Variants in AUTS2 observed in about 807,000 individuals in gnomAD.
AUTS2 encodes the protein activator of transcription and developmental regulator AUTS2, also known as autism susceptibility gene 2 protein.
AUTS2 carries 17 observed loss-of-function variants against 112.4 expected under a neutral mutation model. The observed-to-expected ratio is 0.15, with a 90% CI of 0.10 to 0.23. The LOEUF (loss-of-function observed/expected upper bound fraction) is 0.23. AUTS2 is among the 10% of genes least tolerant of loss of function. The pLI is 1.00. For synonymous variants in AUTS2, 751 were observed against 702.7 expected (o/e 1.07, Z -1.09); for missense variants, 1,510 against 1,701.6 (o/e 0.89, Z 1.98).
intron 5 of AUTS2, among the ~76,000 whole-genome samples, chr7:70,443,827 C>A (rs958979604): frequency 6.6e-6 from 1 of 152,208 alleles, no homozygotes; most frequent in Admixed American, 6.5e-5. Flanking sequence ...CAGAGCAGTT[C>A]ATTTAATCTG....
chr7:69,629,628 G>C, intron 1 of AUTS2, among the ~76,000 whole-genome samples: 1 of 152,164 alleles, frequency 6.6e-6, no homozygotes, highest in East Asian at 1.9e-4. Context: ...GATCCAGTAA[G>C]TAATGTAGTA....
At chr7:69,676,747 T>G (rs1796583949) in intron 1 of AUTS2, among the ~76,000 whole-genome samples, 1 of 152,208 alleles carries the variant, frequency 6.6e-6, no homozygotes, top group South Asian at 2.1e-4. Flanking sequence ...TAGTTAATTT[T>G]TCAGTGGATA....
At chr7:69,844,561 T>C (rs747651576) in intron 1 of AUTS2, among the ~76,000 whole-genome samples, 9 of 152,130 alleles carry the variant, frequency 5.9e-5, no homozygotes, top group Non-Finnish European at 1.3e-4. Flanking sequence ...GTAATATATA[T>C]TTTATACTCA....
intron 1 of AUTS2, among the ~76,000 whole-genome samples, chr7:69,716,444 A>C (rs1798616187): frequency 6.6e-6 from 1 of 152,156 alleles, no homozygotes; most frequent in South Asian, 2.1e-4. Context: ...GAAGCAGGAC[A>C]AGGACTGAAC....
chr7:70,049,646 T>G (rs1387806794), intron 2 of AUTS2, among the ~76,000 whole-genome samples: 1 of 152,118 alleles, frequency 6.6e-6, no homozygotes, highest in Non-Finnish European at 1.5e-5. Context: ...TAACAATTTT[T>G]ATTATCACCA....
At chr7:70,094,255 T>G (rs1468031742) in intron 2 of AUTS2, among the ~76,000 whole-genome samples, 2 of 152,238 alleles carry the variant, frequency 1.3e-5, no homozygotes, top group Non-Finnish European at 2.9e-5. Context: ...GTATGCGCCC[T>G]GCATGCTTGT....
At chr7:70,206,126 T>G (rs1404921093) in intron 4 of AUTS2, among the ~76,000 whole-genome samples, 1 of 152,208 alleles carries the variant, frequency 6.6e-6, no homozygotes, top group Non-Finnish European at 1.5e-5. Context: ...TTCTCTTCCC[T>G]CCTCTATCCT....
intron 2 of AUTS2, among the ~76,000 whole-genome samples, chr7:69,958,730 C>T (rs117099775): frequency 0.017 from 2,555 of 152,204 alleles, 36 homozygotes; most frequent in Middle Eastern, 0.061. Context: ...CTGGTTTAAC[C>T]GACTGCTAGG....
At chr7:69,731,540 T>A (rs1786794579) in intron 1 of AUTS2, among the ~76,000 whole-genome samples, 1 of 152,226 alleles carries the variant, frequency 6.6e-6, no homozygotes, top group Admixed American at 6.5e-5. Flanking sequence ...TTACTTTTAT[T>A]AACAAGTAAC....
chr7:70,606,416 T>C (rs1026965077), intron 5 of AUTS2, among the ~76,000 whole-genome samples: 3 of 152,230 alleles, frequency 2.0e-5, no homozygotes, highest in Non-Finnish European at 4.4e-5. Context: ...TTTTGAAGCA[T>C]CATTCATGCA....
At chr7:69,994,222 C>T (rs1294681027) in intron 2 of AUTS2, among the ~76,000 whole-genome samples, 1 of 152,152 alleles carries the variant, frequency 6.6e-6, no homozygotes, top group African/African-American at 2.4e-5. Context: ...TAGAGTGAGA[C>T]ATTTTTTCCA....
At chr7:70,720,050 T>A (rs1810579382) in intron 6 of AUTS2, among the ~76,000 whole-genome samples, 1 of 152,170 alleles carries the variant, frequency 6.6e-6, no homozygotes, top group Non-Finnish European at 1.5e-5. Context: ...GACGTCTCAT[T>A]CGTATCTCTT....
At chr7:70,318,522 G>A (rs1000584826) in intron 4 of AUTS2, among the ~76,000 whole-genome samples, 2 of 152,058 alleles carry the variant, frequency 1.3e-5, no homozygotes, top group African/African-American at 4.8e-5. Flanking sequence ...CAGAAGGAAA[G>A]GCATGTTAAG....
intron 4 of AUTS2, among the ~76,000 whole-genome samples, chr7:70,341,447 T>C (rs918848747): frequency 3.3e-5 from 5 of 152,238 alleles, no homozygotes; most frequent in African/African-American, 1.2e-4. Context: ...ATAGCATGTG[T>C]AGGCATTTTG....
At chr7:70,719,031 T>A (rs1810527167) in intron 6 of AUTS2, among the ~76,000 whole-genome samples, 1 of 152,196 alleles carries the variant, frequency 6.6e-6, no homozygotes, top group Non-Finnish European at 1.5e-5. Context: ...GATACTGCCA[T>A]TTATTGAGTA....
chr7:70,588,056 A>C (rs745898154), intron 5 of AUTS2, among the ~76,000 whole-genome samples: 20 of 152,176 alleles, frequency 1.3e-4, no homozygotes, highest in Non-Finnish European at 2.6e-4. Flanking sequence ...ACCTCGGCCA[A>C]CTTTGAGATC....
chr7:70,144,516 G>A (rs1180462983), intron 4 of AUTS2, among the ~76,000 whole-genome samples: 1 of 152,054 alleles, frequency 6.6e-6, no homozygotes, highest in Non-Finnish European at 1.5e-5. Context: ...AACTGCATTT[G>A]TACAGAGGCA....
chr7:70,380,168 A>G (rs933206801), intron 4 of AUTS2, among the ~76,000 whole-genome samples: 1 of 152,204 alleles, frequency 6.6e-6, no homozygotes, highest in Non-Finnish European at 1.5e-5. Flanking sequence ...TTTCATTGTA[A>G]CATTTGACTT....
intron 5 of AUTS2, among the ~76,000 whole-genome samples, chr7:70,675,451 G>A (rs749670264): frequency 1.4e-4 from 22 of 152,304 alleles, no homozygotes; most frequent in Middle Eastern, 3.4e-3. Flanking sequence ...AGCCAAGATC[G>A]TGCCACTGCA....
Sources: gnomAD v4.1 joint callset for allele counts (sites outside exome capture counted in the v4.1 genomes callset) on GRCh38, gnomAD v4.1.1 for gene constraint, MANE v1.5 for transcripts, NCBI Gene and HGNC (gene_info 2026-07-23, HGNC 2026-07-21) for gene names.